FAM135B: variants seen among roughly 807,000 people sequenced by gnomAD.
FAM135B encodes the protein protein FAM135B.
A neutral mutation model predicts 127.7 loss-of-function variants in FAM135B; 43 were observed. That is an observed-to-expected ratio of 0.34 (90% CI 0.26 to 0.43). The LOEUF is 0.43. Among genes scored for constraint, FAM135B ranks in the 20% least tolerant of loss-of-function variants. FAM135B has a pLI of 1.00. For synonymous variants in FAM135B, 670 were observed against 665.1 expected, an observed-to-expected ratio of 1.01 and a Z score of -0.11; for missense variants, 1,558 against 1,725.6, an observed-to-expected ratio of 0.90 and a Z score of 1.72.
chr8:138,229,978 G>C (rs541776809), intron 7 of FAM135B, among the ~76,000 whole-genome samples: 1 of 152,160 alleles, frequency 6.6e-6, no homozygotes, highest in Non-Finnish European at 1.5e-5. Context: ...AGTGAGATTC[G>C]GGTGTGGACA....
At chr8:138,407,869 C>T (rs756950124) in intron 1 of FAM135B, among the ~76,000 whole-genome samples, 4 of 152,152 alleles carry the variant, frequency 2.6e-5, no homozygotes, top group Non-Finnish European at 5.9e-5. Flanking sequence ...ATGTCTAAAA[C>T]ACCAAAAGCA....
chr8:138,445,648 G>A lies in FAM135B; in HGVS notation c.-20+51023C>T, dbSNP rs182984379. Among the ~76,000 whole-genome samples the A allele has an allele frequency of 4.3e-3, 656 of 152,134 alleles. 1 individual carries two copies. The highest frequency in any genetic ancestry group is 0.02 in the Middle Eastern group (6 of 294). ...TCAATAAATTAGGTATTGATGGGACGTATCTCAAAATAATAAGAGCTATTT... is the reference window on the plus strand; with the variant it reads ...TCAATAAATTAGGTATTGATGGGACATATCTCAAAATAATAAGAGCTATTT... On this transcript the variant is annotated intron_variant, in intron 1 of 19. Transcript: ENST00000395297.
At chr8:138,422,510 T>C (rs1466889003) in intron 1 of FAM135B, among the ~76,000 whole-genome samples, 1 of 152,044 alleles carries the variant, frequency 6.6e-6, no homozygotes, top group African/African-American at 2.4e-5. Flanking sequence ...AACTAGCATA[T>C]GAAAAAATGC....
At chr8:138,370,891 T>C (rs779377572) in intron 1 of FAM135B, among the ~76,000 whole-genome samples, 13 of 152,228 alleles carry the variant, frequency 8.5e-5, no homozygotes, top group Non-Finnish European at 1.8e-4. Context: ...TGGGAAGCTA[T>C]CAGAGCAGTG....
At position 138,181,442 on chromosome 8, in the gene FAM135B, C is replaced by T. The variant is rs139195195; in HGVS notation, c.874-2752G>A. On this transcript the variant is annotated intron_variant, in intron 9 of 19. Coordinates refer to ENST00000395297, the MANE Select transcript of FAM135B (RefSeq NM_015912.4). ...CGTGGCACAACTGCTCCTGAAAATG[C>T]CCCCCACCTCACCTCTGCCCACTTC... 1.1e-4 allele frequency among the ~76,000 whole-genome samples: 16 copies of T among 152,052 alleles called. No homozygotes were observed. The East Asian group carries it at 2.9e-3, about 28-fold the overall frequency.
chr8:138,447,032 C>T (rs1259217375), intron 1 of FAM135B, among the ~76,000 whole-genome samples: 1 of 152,114 alleles, frequency 6.6e-6, no homozygotes, highest in African/African-American at 2.4e-5. Context: ...GACATTTATG[C>T]AGCCAAAAAA....
intron 1 of FAM135B, among the ~76,000 whole-genome samples, chr8:138,386,016 T>C (rs548515409): frequency 5.3e-5 from 8 of 151,534 alleles, no homozygotes; most frequent in Non-Finnish European, 7.4e-5. Context: ...AGGTCAAGAG[T>C]TCGAGACCAG....
chr8:138,418,341 G>A (rs1360374526), intron 1 of FAM135B, among the ~76,000 whole-genome samples: 1 of 152,126 alleles, frequency 6.6e-6, no homozygotes, highest in East Asian at 1.9e-4. Flanking sequence ...CGCAGAAAGA[G>A]AGGGAGCAAG....
chr8:138,177,701 A>G (rs936121065), intron 10 of FAM135B, among the ~76,000 whole-genome samples: 5 of 152,150 alleles, frequency 3.3e-5, no homozygotes, highest in African/African-American at 1.2e-4. Context: ...TTGAGGTCTT[A>G]TTTATTCTAC....
At position 138,366,760 on chromosome 8, in the gene FAM135B, T is replaced by G. The variant is rs539663393; in HGVS notation, c.77+1147A>C. On this transcript the variant is annotated intron_variant, in intron 2 of 19. Transcript: ENST00000395297. ...TAATCTTGGAGGTAGATTATTAAAA[T>G]GTACATTGAGTCTTAGTCTTCTATC... 7.2e-5 allele frequency among the ~76,000 whole-genome samples: 11 copies of G among 152,326 alleles called. No homozygotes were observed. In the South Asian group the frequency reaches 1.9e-3, roughly 26 times the overall value.
intron 1 of FAM135B, among the ~76,000 whole-genome samples, chr8:138,417,302 G>A (rs1379336432): frequency 2.0e-5 from 3 of 152,148 alleles, no homozygotes; most frequent in Non-Finnish European, 2.9e-5. Flanking sequence ...GCCCAGCCCA[G>A]GCACCTGCCA....
intron 2 of FAM135B, among the ~76,000 whole-genome samples, chr8:138,322,992 G>GT (rs2130953205): frequency 1.3e-5 from 2 of 152,292 alleles, no homozygotes; most frequent in African/African-American, 4.8e-5. Flanking sequence ...GCACTCATAG[G>GT]TTGACAGTAT....
intron 2 of FAM135B, among the ~76,000 whole-genome samples, chr8:138,338,689 G>C (rs1353859345): frequency 1.3e-5 from 2 of 152,002 alleles, no homozygotes; most frequent in Admixed American, 6.5e-5. Context: ...AACCATTGTG[G>C]AAGTCAGTGT....
chr8:138,323,459 C>T (rs117670610), intron 2 of FAM135B, among the ~76,000 whole-genome samples: 1 of 152,312 alleles, frequency 6.6e-6, no homozygotes, highest in East Asian at 1.9e-4. Context: ...TTTGTCTCAT[C>T]TCTCAATTTG....
chr8:138,185,394 G>T (rs1163427196), intron 9 of FAM135B, among the ~76,000 whole-genome samples: 1 of 152,200 alleles, frequency 6.6e-6, no homozygotes, highest in Non-Finnish European at 1.5e-5. Context: ...AACTCGAGAA[G>T]CCACTGGGCC....
intron 3 of FAM135B, among the ~76,000 whole-genome samples, chr8:138,300,243 A>C (rs1825786715): frequency 6.9e-6 from 1 of 144,134 alleles, no homozygotes; most frequent in South Asian, 2.4e-4. Context: ...TGTCCCTCCC[A>C]CTGTGTGTTC....
chr8:138,152,286 C>A lies in FAM135B; in HGVS notation c.2189G>T (p.Gly730Val), dbSNP rs771985054. 12 of 1,613,960 alleles carry A rather than the reference C, an allele frequency of 7.4e-6. No homozygotes were observed. The South Asian group carries it at 1.1e-4, about 15-fold the overall frequency. ...ACTTGTGTTACTTTCTGTGTGTCCA[C>A]CCTCTAGGGAGTTCCGGTGGAGGGC... ...RHALHRNSLE[G>V]GHTESNTSLP... Residue 730 changes from glycine (G) to valine (V), a missense_variant, in exon 13 of 20, where the codon GGT (glycine) becomes GTT (valine). Transcript: ENST00000395297.
chr8:138,207,499 C>T (rs114603662), intron 7 of FAM135B, among the ~76,000 whole-genome samples: 4,045 of 152,102 alleles, frequency 0.027, 177 homozygotes, highest in African/African-American at 0.091. Context: ...CATGAGTCAC[C>T]GCGCCCCACC....
chr8:138,438,889 T>C (rs1210206923), intron 1 of FAM135B: 2 of 152,216 alleles, frequency 1.3e-5, no homozygotes, highest in Non-Finnish European at 2.9e-5. Flanking sequence ...AATGGGATGA[T>C]CTTCTTGACC....
Sources: gnomAD v4.1 joint callset for allele counts (sites outside exome capture counted in the v4.1 genomes callset) on GRCh38, gnomAD v4.1.1 for gene constraint, MANE v1.5 for transcripts, NCBI Gene and HGNC (gene_info 2026-07-23, HGNC 2026-07-21) for gene names.